OTUD4: variants seen among roughly 807,000 people sequenced by gnomAD.
OTUD4 encodes the protein OTU domain-containing protein 4.
Under a neutral mutation model 130.4 loss-of-function variants are expected in OTUD4, and 24 were observed. The ratio of observed to expected loss-of-function variants is 0.18; its 90% confidence interval spans 0.13 to 0.26. OTUD4 has a LOEUF of 0.26. OTUD4 is among the 10% of genes least tolerant of loss of function. The pLI is 1.00. For synonymous variants in OTUD4, 420 were observed against 472.5 expected (o/e 0.89, Z 1.44); for missense variants, 1,031 against 1,329.4 (o/e 0.78, Z 3.49).
chr4:145,162,888 A>G (rs1751650645), intron 5 of OTUD4, among the ~76,000 whole-genome samples, 167 bp from the exon 6 acceptor site: 2 of 152,216 alleles, frequency 1.3e-5, no homozygotes, highest in South Asian at 4.1e-4. Context: ...GTACATCCAT[A>G]TGCTGAAATG....
At chr4:145,141,004 A>C (rs1750535942) in intron 19 of OTUD4, among the ~76,000 whole-genome samples, 1 of 151,924 alleles carries the variant, frequency 6.6e-6, no homozygotes, top group Non-Finnish European at 1.5e-5. Context: ...TCTCTACTAA[A>C]AAATACAAAA....
At chr4:145,149,877 T>C (rs1416435943) in intron 13 of OTUD4, among the ~76,000 whole-genome samples, 1 of 152,170 alleles carries the variant, frequency 6.6e-6, no homozygotes, top group Non-Finnish European at 1.5e-5. Flanking sequence ...AGTTTCAACA[T>C]AAGACACAGC....
In OTUD4 at chr4:145,180,149, G is replaced by A. The variant is rs1333493543; in HGVS notation, c.-176C>T. ...GCGGTCCGCGCTCTCCGGGCGCATA[G>A]GGAAGCCCTGCCTAATGCATGGCTG... On this transcript the variant is annotated 5_prime_UTR_variant, in exon 1 of 21. Coordinates refer to ENST00000447906, the MANE Select transcript of OTUD4 (RefSeq NM_001366057.1). The A allele has an allele frequency of 2.0e-5, 5 of 252,624 alleles. No homozygotes were observed. 15.6% of individuals were successfully genotyped at this position (252,624 alleles called of 1,614,324 possible). A position where few individuals can be genotyped will look rare whatever the true frequency, so the allele number is the denominator to read the frequency against.
rs1579279472 is a variant in OTUD4 at position 145,165,114 on chromosome 4, T to C, written c.341+37A>G. 17 of 1,203,666 alleles carry C rather than the reference T, an allele frequency of 1.4e-5. No individual in the cohort carries two copies. In the East Asian group the frequency reaches 4.0e-4, roughly 28 times the overall value. 74.6% of individuals were successfully genotyped at this position (1,203,666 alleles called of 1,614,324 possible). On this transcript the variant is annotated intron_variant, in intron 4 of 20. Coordinates refer to ENST00000447906, the MANE Select transcript of OTUD4 (RefSeq NM_001366057.1). Reference sequence around the variant, plus strand: ...ATAATGGAATATAATTTCCCACTGGTTTCATTTTCTTTTACTTATGTTATT... The same window carrying C: ...ATAATGGAATATAATTTCCCACTGGCTTCATTTTCTTTTACTTATGTTATT...
chr4:145,159,375 G>A (rs1017014506), intron 7 of OTUD4, 128 bp downstream of exon 7: 32 of 1,528,934 alleles, frequency 2.1e-5, no homozygotes, highest in Non-Finnish European at 2.7e-5. Flanking sequence ...TCAGCAGACT[G>A]CTGTATTTTA....
chr4:145,137,380 G>C lies in OTUD4; in HGVS notation c.*50C>G, dbSNP rs1163046587. The C allele has an allele frequency of 1.4e-6, 2 of 1,472,310 alleles. No individual in the cohort carries two copies. Among genetic ancestry groups the C allele is most frequent in the Non-Finnish European group, 1.8e-6 (2 of 1,082,122 alleles). 91.2% of individuals were successfully genotyped at this position (1,472,310 alleles called of 1,614,324 possible). ...TATTGTATTTTTTTTAAAGCCTTCA[G>C]AAACATTCCACCTAAGAGTTTCTGT... is the stretch of plus-strand genomic sequence containing the variant. On this transcript the variant is annotated 3_prime_UTR_variant, in exon 21 of 21. Transcript: ENST00000447906.
chr4:145,138,813 A>G (rs923713223), intron 20 of OTUD4, among the ~76,000 whole-genome samples, 163 bp from the exon 21 acceptor site: 1 of 152,240 alleles, frequency 6.6e-6, no homozygotes, highest in African/African-American at 2.4e-5. Context: ...CCAACGTGAA[A>G]ATGAATTACA....
chr4:145,142,775 C>A (rs1750624734), intron 17 of OTUD4, among the ~76,000 whole-genome samples: 1 of 152,202 alleles, frequency 6.6e-6, no homozygotes, highest in African/African-American at 2.4e-5. Context: ...TAGAAAAACT[C>A]CTCATGTAAC....
At chr4:145,166,194 T>C (rs1028180274) in intron 3 of OTUD4, among the ~76,000 whole-genome samples, 1 of 150,626 alleles carries the variant, frequency 6.6e-6, no homozygotes, top group Non-Finnish European at 1.5e-5. Flanking sequence ...AAATATTGAA[T>C]AGAAGCAGAA....
chr4:145,136,061 T>C lies in OTUD4; in HGVS notation c.*1369A>G, dbSNP rs533709161. 1 of 152,792 alleles carries C rather than the reference T, an allele frequency of 6.5e-6. No homozygotes were observed. Among genetic ancestry groups the C allele is most frequent in the South Asian group, 2.1e-4 (1 of 4,830 alleles). The allele number at this position is 152,792 out of a possible 1,614,324, so 9.5% of individuals were successfully genotyped here. The stretch of plus-strand genomic sequence containing the variant: ...AGAAATTACTACTATGTTATTTGCA[T>C]AGCACTCAAACTTCCTGATCAGAAG... On this transcript the variant is annotated 3_prime_UTR_variant, in exon 21 of 21. Coordinates refer to ENST00000447906, the MANE Select transcript of OTUD4 (RefSeq NM_001366057.1).
chr4:145,172,691 A>C (rs1290232755), intron 2 of OTUD4, among the ~76,000 whole-genome samples: 2 of 152,182 alleles, frequency 1.3e-5, no homozygotes, highest in African/African-American at 4.8e-5. Context: ...TTGGATTTTA[A>C]GATTGAGATT....
intron 4 of OTUD4, 44 bp from the exon 5 acceptor site, chr4:145,164,270 A>G: frequency 1.1e-6 from 1 of 896,324 alleles, no homozygotes; most frequent in South Asian, 1.6e-5. Context: ...ACTATACTTC[A>G]TGAATTTGAA....
chr4:145,145,851 T>C (rs1403350963), intron 14 of OTUD4, among the ~76,000 whole-genome samples: 1 of 152,214 alleles, frequency 6.6e-6, no homozygotes, highest in Non-Finnish European at 1.5e-5. Context: ...AGCCACAGGA[T>C]GACATGTGCT....
intron 5 of OTUD4, among the ~76,000 whole-genome samples, chr4:145,163,848 A>T (rs1418230964): frequency 6.6e-6 from 1 of 151,930 alleles, no homozygotes; most frequent in East Asian, 1.9e-4. Flanking sequence ...CTGGGATTAC[A>T]GGGATGTGCC....
chr4:145,140,699 G>A (rs544588782), intron 19 of OTUD4, among the ~76,000 whole-genome samples: 16 of 152,074 alleles, frequency 1.1e-4, no homozygotes, highest in South Asian at 4.2e-4. Context: ...ACTTTTTCAC[G>A]GATGCATGTC....
At chr4:145,144,223 A>T in intron 15 of OTUD4, 88 bp downstream of exon 15, 2 of 1,422,076 alleles carry the variant, frequency 1.4e-6, no homozygotes, top group Non-Finnish European at 1.9e-6. Flanking sequence ...TTAACAACTT[A>T]AAAAGGGTTC....
At chr4:145,144,136 G>A (rs1750712309) in intron 15 of OTUD4, 135 bp from the exon 16 acceptor site, 2 of 1,029,782 alleles carry the variant, frequency 1.9e-6, no homozygotes, top group Admixed American at 4.3e-5. Context: ...GTAGTTTTTA[G>A]AATAGCACTT....
At chr4:145,159,428 T>A (rs1751448214) in intron 7 of OTUD4, 75 bp downstream of exon 7, 1 of 1,555,166 alleles carries the variant, frequency 6.4e-7, no homozygotes, top group African/African-American at 1.3e-5. Context: ...GAAAGACATT[T>A]ACTGAAATGT....
Position 145,174,704 on chromosome 4 carries a change from G to A in OTUD4, c.200C>T (p.Ala67Val). Residue 67 changes from alanine to valine, a missense_variant, in exon 2 of 21, where the codon GCC becomes GTC. Physicochemically the swap from Ala to Val is moderately conservative, Grantham distance 64. Around this residue, in one of 3 missense-constraint regions of OTUD4, gnomAD observed 77 missense variants for 172.9 expected, o/e 0.45. Coordinates refer to ENST00000447906, the MANE Select transcript of OTUD4 (RefSeq NM_001366057.1). ...SQSRHVEVRM[A>V]CIHYLRENRE... ...GTTCTCTCGAAGATAGTGAATACAG[G>A]CCATTCTGACTTCAACATGGCGAGA... 6.2e-7 allele frequency: 1 copy of A among 1,610,142 alleles called. No individual in the cohort carries two copies. Among genetic ancestry groups the A allele is most frequent in the Non-Finnish European group, 8.5e-7 (1 of 1,176,528 alleles).
Sources: allele counts gnomAD v4.1 joint callset (sites outside exome capture counted in the v4.1 genomes callset), GRCh38; gene constraint gnomAD v4.1.1; regional missense constraint gnomAD v4.1.1; transcripts MANE v1.5; gene names NCBI Gene and HGNC (gene_info 2026-07-23, HGNC 2026-07-21).